FYCO1: variants seen among roughly 807,000 people sequenced by gnomAD.
FYCO1 encodes FYVE and coiled-coil domain autophagy adaptor 1, also known as FYVE and coiled-coil domain-containing protein 1.
A neutral mutation model predicts 165.1 loss-of-function variants in FYCO1; 122 were observed. The ratio of observed to expected loss-of-function variants is 0.74; its 90% confidence interval spans 0.64 to 0.86. FYCO1 has a LOEUF of 0.86. FYCO1 is among the 40% of genes least tolerant of loss of function. The probability of loss-of-function intolerance (pLI) is 0.00; values close to 1 mark genes in which losing one functional copy is unlikely to be tolerated. For missense variants in FYCO1, 1,702 were observed against 1,810.3 expected, an observed-to-expected ratio of 0.94 and a Z score of 1.09; for synonymous variants, 648 against 742.5, an observed-to-expected ratio of 0.87 and a Z score of 2.07.
chr3:45,959,296 G>A, intron 12 of FYCO1, 97 bp downstream of exon 12: 2 of 1,337,802 alleles, frequency 1.5e-6, no homozygotes, highest in Non-Finnish European at 2.1e-6. Flanking sequence ...GTCAGCCATG[G>A]TGCCAACACC....
chr3:45,951,543 T>G (rs569502500), intron 14 of FYCO1, among the ~76,000 whole-genome samples: 30 of 152,324 alleles, frequency 2.0e-4, no homozygotes, highest in African/African-American at 7.2e-4. Flanking sequence ...TGCCAGCCCT[T>G]ACTCCACAGG....
In FYCO1 at chr3:45,967,435, C is replaced by G. The variant is rs1706128809; in HGVS notation, c.1899G>C (p.Gln633His). The change falls in exon 8 of 18, where the codon CAG (glutamine) becomes CAC (histidine). Residue 633 changes from glutamine (Q) to histidine (H), a missense_variant. Coordinates refer to ENST00000296137, the MANE Select transcript of FYCO1 (RefSeq NM_024513.4). ...GGGCTTGCAGCTTGCCCTCCAGGAG[C>G]TGGTTACGCCCGACCACATTCTGTA... ...KELQNVVGRN[Q>H]LLEGKLQALQ... The G allele has an allele frequency of 1.2e-6, 2 of 1,613,410 alleles. No homozygotes were observed. Among genetic ancestry groups the G allele is most frequent in the Non-Finnish European group, 1.7e-6 (2 of 1,179,868 alleles).
At chr3:45,973,257 G>A (rs369751765) in intron 5 of FYCO1, 26 bp from the exon 6 acceptor site, 5 of 1,610,780 alleles carry the variant, frequency 3.1e-6, no homozygotes, top group Non-Finnish European at 3.4e-6. Flanking sequence ...TCAATTATAA[G>A]AGTAATAAAG....
At chr3:45,944,555 T>A (rs1018255890) in intron 14 of FYCO1, among the ~76,000 whole-genome samples, 19 of 152,078 alleles carry the variant, frequency 1.2e-4, no homozygotes, top group Non-Finnish European at 2.5e-4. Flanking sequence ...GAAAACAAAA[T>A]AGGATTTTAA....
intron 16 of FYCO1, among the ~76,000 whole-genome samples, chr3:45,928,866 A>T (rs2125794402): frequency 6.6e-6 from 1 of 152,280 alleles, no homozygotes; most frequent in East Asian, 1.9e-4. Flanking sequence ...TCAACGGGAG[A>T]TCCCATGTTA....
chr3:45,935,093 GATT>G (rs1419809605), intron 15 of FYCO1, among the ~76,000 whole-genome samples: 1 of 152,144 alleles, frequency 6.6e-6, no homozygotes, highest in Non-Finnish European at 1.5e-5. Context: ...TGGTGGAATA[GATT>G]ATTCTCTCAC....
At chr3:45,955,004 AAGAC>A (rs1338150808) in intron 14 of FYCO1, among the ~76,000 whole-genome samples, 3 of 152,208 alleles carry the variant, frequency 2.0e-5, no homozygotes, top group Admixed American at 2.0e-4. Flanking sequence ...CAAGCCAAGA[AAGAC>A]AGGCCTTAAT....
chr3:45,960,323 A>G (rs1705621751), intron 11 of FYCO1, among the ~76,000 whole-genome samples: 1 of 152,186 alleles, frequency 6.6e-6, no homozygotes, highest in Non-Finnish European at 1.5e-5. Flanking sequence ...GTGACACCCG[A>G]GCCACTCAGG....
chr3:45,943,468 C>T (rs1704370454), intron 14 of FYCO1: 1 of 152,192 alleles, frequency 6.6e-6, no homozygotes, highest in Admixed American at 6.5e-5. Context: ...TGAACCACAT[C>T]ACAGAAGTAG....
rs556872650 is a variant in FYCO1 at position 45,918,151 on chromosome 3, C to T, written c.*3614G>A. 2.0e-5 allele frequency: 3 copies of T among 152,716 alleles called. No individual in the cohort carries two copies. In the East Asian group the frequency reaches 5.8e-4, roughly 29 times the overall value. The allele number at this position is 152,716 out of a possible 1,614,324, so 9.5% of individuals were successfully genotyped here. A position where few individuals can be genotyped will look rare whatever the true frequency, so the allele number is the denominator to read the frequency against. ...AGGATTAATCAATTAAAGTGCAATT[C>T]CAAATGTTGAGCCTTCCAAATGAGG... On this transcript the variant is annotated 3_prime_UTR_variant, in exon 18 of 18. Transcript: ENST00000296137.
rs766544615 is a variant in FYCO1 at position 45,967,531 on chromosome 3, G to A, written c.1803C>T (p.Asp601=). The A allele has an allele frequency of 1.9e-5, 31 of 1,613,666 alleles. No individual in the cohort carries two copies. Among genetic ancestry groups the A allele is most frequent in the East Asian group, 1.6e-4 (7 of 44,880 alleles). Reference sequence around the variant, plus strand: ...GGCTGCCCTCTTGCACCTTGGTATCGTCTAACTGTGCCTCCTGCAGGCCCC... The same window carrying A: ...GGCTGCCCTCTTGCACCTTGGTATCATCTAACTGTGCCTCCTGCAGGCCCC... The part of the protein sequence containing the change: ...EQRGLQEAQL[D]DTKVQEGSQE... The change falls in exon 8 of 18, where the codon GAC becomes GAT. Residue 601 remains aspartate, a synonymous_variant. Transcript: ENST00000296137.
rs766157554 is a variant in FYCO1, at chr3:45,968,143, G to A, written c.1191C>T (p.Ala397=). 1.2e-6 allele frequency: 2 copies of A among 1,613,932 alleles called. No individual in the cohort carries two copies. Among genetic ancestry groups the A allele is most frequent in the Non-Finnish European group, 1.7e-6 (2 of 1,180,018 alleles). Residue 397 remains alanine, a synonymous_variant, in exon 8 of 18, where the codon GCC becomes GCT. Coordinates refer to ENST00000296137, the MANE Select transcript of FYCO1 (RefSeq NM_024513.4). ...TCTCCCCTAGCTCCTGCATCTCCTG[G>A]GCCGCATCACTGGGAATAGGTTCTT... The part of the protein sequence containing the change: ...GRQEPIPSDA[A]QEMQELGEKL...
At chr3:45,991,095 A>T (rs924900504) in intron 1 of FYCO1, among the ~76,000 whole-genome samples, 2 of 152,220 alleles carry the variant, frequency 1.3e-5, no homozygotes, top group African/African-American at 2.4e-5. Flanking sequence ...GCACATTTTT[A>T]AAAAAATTCT....
At chr3:45,970,278 G>A (rs1706348198) in intron 6 of FYCO1, among the ~76,000 whole-genome samples, 1 of 152,220 alleles carries the variant, frequency 6.6e-6, no homozygotes, top group African/African-American at 2.4e-5. Flanking sequence ...AAATACAAAG[G>A]CTTGTGTGAT....
At position 45,919,966 on chromosome 3, in the gene FYCO1, C is replaced by T. The variant is rs916863512; in HGVS notation, c.*1799G>A. ...TTGGCCAGGAGAAGATGATTGAGCA[C>T]CTGATGGCTTTCTGCCAGAAGAGGC... On this transcript the variant is annotated 3_prime_UTR_variant, in exon 18 of 18. Transcript: ENST00000296137. 4 of 152,236 alleles carry T rather than the reference C, an allele frequency of 2.6e-5. No homozygotes were observed. Among genetic ancestry groups the T allele is most frequent in the Non-Finnish European group, 5.9e-5 (4 of 68,056 alleles). 9.4% of individuals were successfully genotyped at this position (152,236 alleles called of 1,614,324 possible).
Position 45,966,270 on chromosome 3 carries a change from G to C in FYCO1, c.3057+7C>G, listed in dbSNP as rs781107765. ...GGTAGAGCCCAAGTGGTTGAAGCTA[G>C]GATTACCTTAAGTCTGCTCTGGTAG... On this transcript the variant is annotated splice_region_variant and intron_variant, in intron 8 of 17. Transcript: ENST00000296137. 6.2e-7 allele frequency: 1 copy of C among 1,613,154 alleles called. No individual in the cohort carries two copies. Among genetic ancestry groups the C allele is most frequent in the Admixed American group, 1.7e-5 (1 of 60,022 alleles).
chr3:45,969,297 C>A (rs890636313), intron 7 of FYCO1, among the ~76,000 whole-genome samples: 1 of 152,180 alleles, frequency 6.6e-6, no homozygotes, highest in African/African-American at 2.4e-5. Flanking sequence ...GAAGTGCATG[C>A]GCACTCCTCA....
intron 14 of FYCO1, among the ~76,000 whole-genome samples, chr3:45,936,759 G>A (rs1179245657): frequency 6.6e-6 from 1 of 152,142 alleles, no homozygotes; most frequent in South Asian, 2.1e-4. Context: ...GAAGACAATA[G>A]GGCTACAGCA....
chr3:45,962,778 T>C lies in FYCO1; in HGVS notation c.3270-386A>G, dbSNP rs1705779199. Among the ~76,000 whole-genome samples the C allele has an allele frequency of 6.6e-6, 1 of 152,124 alleles. No homozygotes were observed. The highest frequency in any genetic ancestry group is 1.9e-4 in the East Asian group (1 of 5,188). On this transcript the variant is annotated intron_variant, in intron 10 of 17. Coordinates refer to ENST00000296137, the MANE Select transcript of FYCO1 (RefSeq NM_024513.4). This position sits in a 1 kb window ranked among gnomAD's most constrained non-coding sequence, Gnocchi z 4.4. Reference sequence around the variant, plus strand: ...CAGGCAGGACAGAGGTGTAGCTTCCTGGAGGTGGCCACACAGAGGAGGGCC... The same window carrying C: ...CAGGCAGGACAGAGGTGTAGCTTCCCGGAGGTGGCCACACAGAGGAGGGCC...
Sources: allele counts gnomAD v4.1 joint callset (sites outside exome capture counted in the v4.1 genomes callset), GRCh38; gene constraint gnomAD v4.1.1; non-coding constraint Gnocchi (gnomAD v3.1); transcripts MANE v1.5; gene names NCBI Gene and HGNC (gene_info 2026-07-23, HGNC 2026-07-21).